Variants in AGAP1 observed in about 807,000 individuals in gnomAD.
AGAP1 encodes ArfGAP with GTPase domain, ankyrin repeat and PH domain 1.
A neutral mutation model predicts 105.3 loss-of-function variants in AGAP1; 29 were observed. The ratio of observed to expected loss-of-function variants is 0.28; its 90% CI spans 0.21 to 0.38. The LOEUF (loss-of-function observed/expected upper bound fraction) is 0.38, where lower values mean the gene tolerates loss of function less well. AGAP1 is among the 10% of genes least tolerant of loss of function. The probability of loss-of-function intolerance (pLI) is 1.00; values close to 1 mark genes in which losing one functional copy is unlikely to be tolerated. For synonymous variants in AGAP1, 509 were observed against 485.9 expected, an observed-to-expected ratio of 1.05 and a Z score of -0.63; for missense variants, 998 against 1,165.1, an observed-to-expected ratio of 0.86 and a Z score of 2.09.
intron 10 of AGAP1, among the ~76,000 whole-genome samples, chr2:235,894,366 A>G (rs2050697861): frequency 6.6e-6 from 1 of 152,158 alleles, no homozygotes; most frequent in South Asian, 2.1e-4. Flanking sequence ...TTCCCTGGGA[A>G]CAGCCAGAGT....
Position 236,124,315 on chromosome 2 carries a change from C to T in AGAP1, c.*193C>T. 1 of 662,980 alleles carries T rather than the reference C, an allele frequency of 1.5e-6. No homozygotes were observed. The highest frequency in any genetic ancestry group is 2.8e-5 in the East Asian group (1 of 35,952). The allele number at this position is 662,980 out of a possible 1,614,324, so 41.1% of individuals were successfully genotyped here. ...CATCCCTCAAGGGGCGAAGAGGCGG[C>T]CGGGAGACTGCAGAAGTGGCTCCTT... On this transcript the variant is annotated 3_prime_UTR_variant, in exon 18 of 18. Transcript: ENST00000304032. The surrounding 1 kb of genome is among the most constrained non-coding windows in gnomAD (Gnocchi z 5.1).
Position 235,747,922 on chromosome 2 carries a change from G to T in AGAP1, c.539-2432G>T, listed in dbSNP as rs145557246. ...CATTGCCAAAGGATTCCTGGGCTGG[G>T]GTGAGGCCTCCGCCCGCTGGCGGGA... On this transcript the variant is annotated intron_variant, in intron 5 of 17. Coordinates refer to ENST00000304032, the MANE Select transcript of AGAP1 (RefSeq NM_001037131.3). The surrounding 1 kb of genome is among the most constrained non-coding windows in gnomAD (Gnocchi z 5.0). Among the ~76,000 whole-genome samples, 7 of 152,350 alleles carry T rather than the reference G, an allele frequency of 4.6e-5. No individual in the cohort carries two copies. In the East Asian group the frequency reaches 1.4e-3, roughly 29 times the overall value.
chr2:235,543,993 C>T (rs756235598), intron 1 of AGAP1, among the ~76,000 whole-genome samples: 15 of 152,172 alleles, frequency 9.9e-5, no homozygotes, highest in Admixed American at 6.5e-4. Context: ...TGGCCTAGAT[C>T]GGGTTGGCTC....
At chr2:235,520,866 A>G (rs4663604) in intron 1 of AGAP1, among the ~76,000 whole-genome samples, 135,006 of 152,210 alleles carry the variant, frequency 0.89, 60,202 homozygotes, top group East Asian at 0.99. Flanking sequence ...CATTGCGGTG[A>G]AAGCTGTTAT....
chr2:235,595,761 A>C (rs552585530), intron 1 of AGAP1, among the ~76,000 whole-genome samples: 1 of 152,332 alleles, frequency 6.6e-6, no homozygotes, highest in African/African-American at 2.4e-5. Flanking sequence ...AATTAACAAA[A>C]ACTAGCAGTT....
rs139155402 is a variant in AGAP1 at position 236,062,642 on chromosome 2, T to TTTTG, written c.2114+13381_2114+13384dup. ...AGCCACATGCCTCCACACTCAGCTA[T>TTTTG]TTTGTTTGTTTGTTTGTTTGTTTTT... is the stretch of plus-strand genomic sequence containing the variant. On this transcript the variant is annotated intron_variant, in intron 16 of 17. Transcript: ENST00000304032. This position sits in a 1 kb window ranked among gnomAD's most constrained non-coding sequence, Gnocchi z 4.2. Among the ~76,000 whole-genome samples, 2,599 of 151,340 alleles carry TTTTG rather than the reference T, an allele frequency of 0.017. 76 individuals carry two copies. The highest frequency in any genetic ancestry group is 0.06 in the African/African-American group (2,447 of 41,052).
intron 9 of AGAP1, among the ~76,000 whole-genome samples, chr2:235,880,226 G>A (rs2049942734): frequency 6.6e-6 from 1 of 151,934 alleles, no homozygotes; most frequent in Non-Finnish European, 1.5e-5. Flanking sequence ...CTTCACTGGG[G>A]GCAGGACAAT....
chr2:235,554,317 ATGTGAC>A (rs978846858), intron 1 of AGAP1, among the ~76,000 whole-genome samples: 6 of 152,190 alleles, frequency 3.9e-5, no homozygotes, highest in African/African-American at 1.4e-4. Flanking sequence ...GGAAGTTTGC[ATGTGAC>A]TGGGCCAAGT....
Position 235,895,699 on chromosome 2 carries a change from T to TTGGATGGATGGATGGA in AGAP1, c.1155+12285_1155+12300dup, listed in dbSNP as rs113317282. The stretch of plus-strand genomic sequence containing the variant: ...CTCTAACATCTGGAACACTGGCTTG[T>TTGGATGGATGGATGGA]TGGATGGATGGATGGATGGATGGAT... On this transcript the variant is annotated intron_variant, in intron 10 of 17. Coordinates refer to ENST00000304032, the MANE Select transcript of AGAP1 (RefSeq NM_001037131.3). Among the ~76,000 whole-genome samples, 4 of 119,014 alleles carry TTGGATGGATGGATGGA rather than the reference T, an allele frequency of 3.4e-5. No homozygotes were observed. In the South Asian group the frequency reaches 7.6e-4, roughly 22 times the overall value. 78.1% of individuals were successfully genotyped at this position (119,014 alleles called of 152,430 possible).
Position 235,689,615 on chromosome 2 carries a change from A to T in AGAP1, c.164-19564A>T, listed in dbSNP as rs1055109381. ...TTCAGGCAAATAATTTCTGATGGACACCAAATTGGCAGGTCACCATAGGGA... is the reference window on the plus strand; with the variant it reads ...TTCAGGCAAATAATTTCTGATGGACTCCAAATTGGCAGGTCACCATAGGGA... On this transcript the variant is annotated intron_variant, in intron 1 of 17. Coordinates refer to ENST00000304032, the MANE Select transcript of AGAP1 (RefSeq NM_001037131.3). The surrounding 1 kb of genome is among the most constrained non-coding windows in gnomAD (Gnocchi z 4.2). Among the ~76,000 whole-genome samples, 2 of 152,198 alleles carry T rather than the reference A, an allele frequency of 1.3e-5. No homozygotes were observed. The highest frequency in any genetic ancestry group is 2.9e-5 in the Non-Finnish European group (2 of 68,026).
chr2:235,679,366 T>G (rs146515125), intron 1 of AGAP1, among the ~76,000 whole-genome samples: 74 of 152,318 alleles, frequency 4.9e-4, no homozygotes, highest in African/African-American at 1.7e-3. Flanking sequence ...TACTATGAGA[T>G]ATACATTTGC....
At position 235,747,630 on chromosome 2, in the gene AGAP1, C is replaced by T. The variant is rs1953068302; in HGVS notation, c.539-2724C>T. The stretch of plus-strand genomic sequence containing the variant: ...CCTTCCCTAGACTTCAGGGAGCACC[C>T]CAGAAAGCCTGATGGCAGGAAGCTG... On this transcript the variant is annotated intron_variant, in intron 5 of 17. Coordinates refer to ENST00000304032, the MANE Select transcript of AGAP1 (RefSeq NM_001037131.3). This position sits in a 1 kb window ranked among gnomAD's most constrained non-coding sequence, Gnocchi z 5.0. 6.6e-6 allele frequency among the ~76,000 whole-genome samples: 1 copy of T among 152,208 alleles called. No homozygotes were observed.
intron 1 of AGAP1, among the ~76,000 whole-genome samples, chr2:235,694,372 G>T (rs1949894978): frequency 6.6e-6 from 1 of 151,990 alleles, no homozygotes; most frequent in African/African-American, 2.4e-5. Flanking sequence ...CCAGCTACTT[G>T]GGAGGCTGAG....
rs1220445558 is a variant in AGAP1, at chr2:235,981,637, A to G, written c.1645+13014A>G. Among the ~76,000 whole-genome samples, 1 of 152,202 alleles carries G rather than the reference A, an allele frequency of 6.6e-6. No individual in the cohort carries two copies. Among genetic ancestry groups the G allele is most frequent in the Non-Finnish European group, 1.5e-5 (1 of 68,030 alleles). Reference sequence around the variant, plus strand: ...TCACTATCAATTATTGACCACTGCCATGTGTCAGGCACTGGGCTTAAGTGC... The same window carrying G: ...TCACTATCAATTATTGACCACTGCCGTGTGTCAGGCACTGGGCTTAAGTGC... On this transcript the variant is annotated intron_variant, in intron 13 of 17. Transcript: ENST00000304032. The surrounding 1 kb of genome is among the most constrained non-coding windows in gnomAD (Gnocchi z 5.5).
rs1312902070 is a variant in AGAP1, at chr2:235,550,357, T to C, written c.163+55508T>C. Among the ~76,000 whole-genome samples, 3 of 152,250 alleles carry C rather than the reference T, an allele frequency of 2.0e-5. No homozygotes were observed. Among genetic ancestry groups the C allele is most frequent in the Admixed American group, 2.0e-4 (3 of 15,290 alleles). On this transcript the variant is annotated intron_variant, in intron 1 of 17. Coordinates refer to ENST00000304032, the MANE Select transcript of AGAP1 (RefSeq NM_001037131.3). The surrounding 1 kb of genome is among the most constrained non-coding windows in gnomAD (Gnocchi z 4.6). ...TGTGTTCCCTTTGCCTTTTGAGCTC[T>C]TCATAAAATCACTGCCAGTGACTTC...
intron 8 of AGAP1, among the ~76,000 whole-genome samples, chr2:235,806,436 A>C (rs147647110): frequency 1.7e-3 from 256 of 152,206 alleles, no homozygotes; most frequent in Non-Finnish European, 3.1e-3. Context: ...GGAGACTGAG[A>C]CGATGGAGCT....
intron 1 of AGAP1, among the ~76,000 whole-genome samples, chr2:235,603,199 C>T (rs1179138376): frequency 2.0e-5 from 3 of 152,036 alleles, no homozygotes; most frequent in African/African-American, 7.3e-5. Context: ...TAAGGGGAAA[C>T]CCCTTTTGCT....
rs944093672 is a variant in AGAP1, at chr2:236,001,500, AGT to A, written c.1645+32879_1645+32880del. Among the ~76,000 whole-genome samples, 1 of 152,106 alleles carries A rather than the reference AGT, an allele frequency of 6.6e-6. No homozygotes were observed. Among genetic ancestry groups the A allele is most frequent in the African/African-American group, 2.4e-5 (1 of 41,420 alleles). On this transcript the variant is annotated intron_variant, in intron 13 of 17. Coordinates refer to ENST00000304032, the MANE Select transcript of AGAP1 (RefSeq NM_001037131.3). This position sits in a 1 kb window ranked among gnomAD's most constrained non-coding sequence, Gnocchi z 4.7. ...GTGGGCTGCAGGGGCTGAAGTAGGCAGTGGTGACAGTGGCTTCCCCAGGCATC... is the reference window on the plus strand; with the variant it reads ...GTGGGCTGCAGGGGCTGAAGTAGGCAGGTGACAGTGGCTTCCCCAGGCATC...
At chr2:235,940,324 T>C (rs1559673441) in intron 12 of AGAP1, among the ~76,000 whole-genome samples, 2 of 152,172 alleles carry the variant, frequency 1.3e-5, no homozygotes, top group East Asian at 3.9e-4. Flanking sequence ...GCAGCCAAAT[T>C]CACCTTTTAA....
Sources: gnomAD v4.1 joint callset for allele counts (sites outside exome capture counted in the v4.1 genomes callset) on GRCh38, gnomAD v4.1.1 for gene constraint, Gnocchi (gnomAD v3.1) non-coding constraint, MANE v1.5 for transcripts, NCBI Gene and HGNC (gene_info 2026-07-23, HGNC 2026-07-21) for gene names.